NUDT18: variants seen among roughly 807,000 people sequenced by gnomAD.
NUDT18 encodes 8-oxo-dGDP phosphatase NUDT18.
NUDT18 carries 26 observed loss-of-function variants against 27.6 expected under a neutral mutation model. The ratio of observed to expected loss-of-function variants is 0.94; its 90% CI spans 0.69 to 1.31. The LOEUF (loss-of-function observed/expected upper bound fraction) is 1.31. Ranked by LOEUF, NUDT18 falls within the 50% of genes most tolerant of loss-of-function variation. NUDT18 has a pLI of 0.00. For synonymous variants in NUDT18, 220 were observed against 196.9 expected (o/e 1.12, Z -0.98); for missense variants, 450 against 433.4 (o/e 1.04, Z -0.34).
At position 22,108,246 on chromosome 8, in the gene NUDT18, A is replaced by G. The variant is rs1386490067; in HGVS notation, c.263T>C (p.Leu88Pro). The G allele has an allele frequency of 4.4e-6, 7 of 1,598,280 alleles. No individual in the cohort carries two copies. Among genetic ancestry groups the G allele is most frequent in the Non-Finnish European group, 5.1e-6 (6 of 1,173,184 alleles). Reference protein sequence around the residue: ...MEPGETIVEALQREVKEEAGL... With the variant: ...MEPGETIVEAPQREVKEEAGL... ...CGCCTCCTCCTTCACCTCCCGCTGCAGCGCCTCCACGATGGTCTCCCCTGG... is the reference window on the plus strand; with the variant it reads ...CGCCTCCTCCTTCACCTCCCGCTGCGGCGCCTCCACGATGGTCTCCCCTGG... The change falls in exon 2 of 3, where the codon CTG becomes CCG. Residue 88 changes from leucine (L) to proline (P), a missense_variant. By Grantham distance (98) the Leu-to-Pro change is moderately conservative (BLOSUM62 -3). Coordinates refer to ENST00000611621, the MANE Select transcript of NUDT18 (RefSeq NM_024815.4).
At chr8:22,108,738 G>A (rs1156766332) in intron 1 of NUDT18, among the ~76,000 whole-genome samples, 3 of 152,226 alleles carry the variant, frequency 2.0e-5, no homozygotes, top group Non-Finnish European at 4.4e-5. Flanking sequence ...GGTCTGGCTT[G>A]AAACACGACC....
At chr8:22,108,111 A>G in intron 2 of NUDT18, 22 bp downstream of exon 2, 1 of 1,481,476 alleles carries the variant, frequency 6.8e-7, no homozygotes, top group Non-Finnish European at 9.0e-7. Flanking sequence ...CCCTGTTCAC[A>G]CTGCCTCCAG....
upstream of NUDT18, chr8:22,109,740 G>A (rs942658972): frequency 2.4e-5 from 11 of 457,330 alleles, no homozygotes; most frequent in African/African-American, 2.2e-4. Flanking sequence ...GCCGGGGTAG[G>A]CGACGGTGAC....
At chr8:22,108,492 G>T in intron 1 of NUDT18, 146 bp from the exon 2 acceptor site, 1 of 643,524 alleles carries the variant, frequency 1.6e-6, no homozygotes, top group Non-Finnish European at 2.6e-6. Context: ...CCCTCGTGTC[G>T]CTGGGGGCTG....
chr8:22,109,559 G>A (rs367935910), upstream of NUDT18: 2 of 511,658 alleles, frequency 3.9e-6, no homozygotes, highest in Admixed American at 2.8e-5. Context: ...CCCTGGAACT[G>A]GGGGGGCACG....
chr8:22,109,110 G>A (rs1028294458), intron 1 of NUDT18, 29 bp downstream of exon 1: 1 of 1,388,468 alleles, frequency 7.2e-7, no homozygotes, highest in African/African-American at 1.5e-5. Context: ...CGCTCCCGAG[G>A]CCCGGCGGGC....
rs1001306273 is a variant in NUDT18 at position 22,109,012 on chromosome 8, G to A, written c.162+127C>T. 8.4e-5 allele frequency: 52 copies of A among 615,624 alleles called. 1 individual carries two copies. The highest frequency in any genetic ancestry group is 1.1e-4 in the Non-Finnish European group (45 of 398,758). 38.1% of individuals were successfully genotyped at this position (615,624 alleles called of 1,614,324 possible). On this transcript the variant is annotated intron_variant, in intron 1 of 2. Coordinates refer to ENST00000611621, the MANE Select transcript of NUDT18 (RefSeq NM_024815.4). ...AGGACACAGATGCGAGTGGGAGTGG[G>A]AGTGCTTTGCAAAACTGGGAAGCGC...
chr8:22,108,937 C>A (rs1192059335), intron 1 of NUDT18, among the ~76,000 whole-genome samples: 1 of 152,198 alleles, frequency 6.6e-6, no homozygotes, highest in African/African-American at 2.4e-5. Context: ...TCGGATGAGA[C>A]AAACAGGCCC....
rs747133315 is a variant in NUDT18, at chr8:22,107,677, C to G, written c.595G>C (p.Ala199Pro). The change falls in exon 3 of 3, where the codon GCC becomes CCC. Residue 199 changes from alanine to proline, a missense_variant. Ala to Pro is a conservative substitution (Grantham distance 27). Coordinates refer to ENST00000611621, the MANE Select transcript of NUDT18 (RefSeq NM_024815.4). ...CCCACTAACACCCACACTGTCTGGG[C>G]GCTGGTAAAGGTAGCCACGAGCCGC... is the stretch of plus-strand genomic sequence containing the variant. ...CQRLVATFTSAQTVWVLVGTV... is the reference protein window; with the variant it reads ...CQRLVATFTSPQTVWVLVGTV... 1 of 1,612,362 alleles carries G rather than the reference C, an allele frequency of 6.2e-7. No individual in the cohort carries two copies. The highest frequency in any genetic ancestry group is 1.3e-5 in the African/African-American group (1 of 74,894).
At chr8:22,110,199 G>A (rs1826447812), upstream of NUDT18, among the ~76,000 whole-genome samples, 1 of 152,226 alleles carries the variant, frequency 6.6e-6, no homozygotes, top group Admixed American at 6.5e-5. Flanking sequence ...GGTGCGCCCT[G>A]GGAGGGCGGG....
At position 22,109,314 on chromosome 8, in the gene NUDT18, G is replaced by A. The variant is rs1244694960; in HGVS notation, c.-14C>T. ...CTCCGAGGCCATCGGGTCCCCCGGG[G>A]GGCGGCGGGCCGGATCCTCGCAGAC... On this transcript the variant is annotated 5_prime_UTR_variant, in exon 1 of 3. Coordinates refer to ENST00000611621, the MANE Select transcript of NUDT18 (RefSeq NM_024815.4). 3.0e-6 allele frequency: 4 copies of A among 1,343,688 alleles called. No individual in the cohort carries two copies. The highest frequency in any genetic ancestry group is 3.8e-6 in the Non-Finnish European group (4 of 1,055,760). The allele number at this position is 1,343,688 out of a possible 1,614,324, so 83.2% of individuals were successfully genotyped here. A position where few individuals can be genotyped will look rare whatever the true frequency, so the allele number is the denominator to read the frequency against.
In NUDT18 at chr8:22,107,729, T is replaced by A. The variant is rs1246941843; in HGVS notation, c.543A>T (p.Gln181His). 6.2e-7 allele frequency: 1 copy of A among 1,613,600 alleles called. No homozygotes were observed. The highest frequency in any genetic ancestry group is 8.5e-7 in the Non-Finnish European group (1 of 1,179,842). Residue 181 changes from glutamine to histidine, a missense_variant, in exon 3 of 3, where the codon CAA becomes CAT. Transcript: ENST00000611621. ...QQARHPLILP[Q>H]ELPCDLVCQR... ...GGCAGACCAGATCACAGGGTAGCTC[T>A]TGGGGCAGAATGAGAGGGTGCCTGG... is the stretch of plus-strand genomic sequence containing the variant.
chr8:22,107,500 G>T lies in NUDT18; in HGVS notation c.772C>A (p.Gln258Lys). The change falls in exon 3 of 3, where the codon CAG becomes AAG. Residue 258 changes from glutamine to lysine, a missense_variant. By Grantham distance (53) the Gln-to-Lys change is moderately conservative. Coordinates refer to ENST00000611621, the MANE Select transcript of NUDT18 (RefSeq NM_024815.4). ...VVEIKGLLGL[Q>K]HLGRDHSDGI... ...TCACTGTGATCTCGGCCCAGGTGCTGCAGTCCAAGCAACCCCTTGATCTCC... is the reference window on the plus strand; with the variant it reads ...TCACTGTGATCTCGGCCCAGGTGCTTCAGTCCAAGCAACCCCTTGATCTCC... 6.2e-7 allele frequency: 1 copy of T among 1,613,084 alleles called. No individual in the cohort carries two copies.
At chr8:22,110,209 G>C (rs1826447988), upstream of NUDT18, among the ~76,000 whole-genome samples, 1 of 152,238 alleles carries the variant, frequency 6.6e-6, no homozygotes. Flanking sequence ...GGGAGGGCGG[G>C]GGTGGGGCCC....
chr8:22,109,381 G>GCTCCCAGTCCCTGCGGAGACCT lies in NUDT18; in HGVS notation c.-82_-81insAGGTCTCCGCAGGGACTGGGAG. ...CGGGCTAGAGTGCGCTGCGGAGCCC[G>GCTCCCAGTCCCTGCGGAGACCT]CTCCCAGTCCCTGCGGCAGCGGGCC... On this transcript the variant is annotated 5_prime_UTR_variant, in exon 1 of 3. Transcript: ENST00000611621. 2 of 1,295,286 alleles carry GCTCCCAGTCCCTGCGGAGACCT rather than the reference G, an allele frequency of 1.5e-6. No homozygotes were observed. Among genetic ancestry groups the GCTCCCAGTCCCTGCGGAGACCT allele is most frequent in the Non-Finnish European group, 2.0e-6 (2 of 1,014,420 alleles). 80.2% of individuals were successfully genotyped at this position (1,295,286 alleles called of 1,614,324 possible). A position where few individuals can be genotyped will look rare whatever the true frequency, so the allele number is the denominator to read the frequency against.
rs1299705461 is a variant in NUDT18 at position 22,107,622 on chromosome 8, G to GT, written c.649dup (p.Thr217AsnfsTer50). The GT allele has an allele frequency of 6.2e-7, 1 of 1,613,270 alleles. No homozygotes were observed. The highest frequency in any genetic ancestry group is 1.7e-5 in the Admixed American group (1 of 60,024). On this transcript the variant is annotated frameshift_variant, in exon 3 of 3. Coordinates refer to ENST00000611621, the MANE Select transcript of NUDT18 (RefSeq NM_024815.4). LOFTEE classifies it high-confidence loss of function. ...CTCCATAGGGTCGAGGCCACAGGCA[G>GT]TGACAGGCAAGTGAGGCATCCCCAC...
chr8:22,109,029 G>T, intron 1 of NUDT18, 110 bp downstream of exon 1: 1 of 831,354 alleles, frequency 1.2e-6, no homozygotes, highest in Non-Finnish European at 1.7e-6. Flanking sequence ...TTGCAAAACT[G>T]GGAAGCGCCA....
Position 22,109,396 on chromosome 8 carries a change from G to GGAGACCGCTCCCAGTCCCTGCC in NUDT18, c.-97_-96insGGCAGGGACTGGGAGCGGTCTC. 5.1e-6 allele frequency: 6 copies of GGAGACCGCTCCCAGTCCCTGCC among 1,174,196 alleles called. 1 individual carries two copies. The highest frequency in any genetic ancestry group is 5.5e-6 in the Non-Finnish European group (5 of 905,592). The allele number at this position is 1,174,196 out of a possible 1,614,324, so 72.7% of individuals were successfully genotyped here. ...TGCGGAGCCCGCTCCCAGTCCCTGCGGCAGCGGGCCGGGAGCTCACGAGAA... is the reference window on the plus strand; with the variant it reads ...TGCGGAGCCCGCTCCCAGTCCCTGCGGAGACCGCTCCCAGTCCCTGCCGCAGCGGGCCGGGAGCTCACGAGAA... On this transcript the variant is annotated 5_prime_UTR_variant, in exon 1 of 3. Coordinates refer to ENST00000611621, the MANE Select transcript of NUDT18 (RefSeq NM_024815.4).
At chr8:22,110,279 G>T (rs1179413232), upstream of NUDT18, among the ~76,000 whole-genome samples, 1 of 152,194 alleles carries the variant, frequency 6.6e-6, no homozygotes, top group Non-Finnish European at 1.5e-5. Context: ...CGCGTGGAGA[G>T]CAGGGTGGGG....
Sources: allele counts gnomAD v4.1 joint callset (sites outside exome capture counted in the v4.1 genomes callset), GRCh38; gene constraint gnomAD v4.1.1; transcripts MANE v1.5; gene names NCBI Gene and HGNC (gene_info 2026-07-23, HGNC 2026-07-21).